The following CXADR variants were observed in gnomAD, a reference collection of about 807,000 sequenced individuals.
CXADR encodes the protein CXADR cell adhesion molecule.
In CXADR, 20 loss-of-function variants were observed where a neutral mutation model predicts 40.3. The ratio of observed to expected loss-of-function variants is 0.50; its 90% CI spans 0.35 to 0.72. The LOEUF is 0.72. CXADR is among the 30% of genes least tolerant of loss of function. The pLI is 0.01. For missense variants in CXADR, 332 were observed against 449.1 expected, an observed-to-expected ratio of 0.74 and a Z score of 2.36; for synonymous variants, 150 against 161.3, an observed-to-expected ratio of 0.93 and a Z score of 0.53.
chr21:17,558,592 G>A (rs2061066729), intron 3 of CXADR, among the ~76,000 whole-genome samples: 1 of 152,130 alleles, frequency 6.6e-6, no homozygotes, highest in East Asian at 1.9e-4. Context: ...CTGCCAGAGG[G>A]TTACATGTCA....
At chr21:17,553,938 C>G (rs2061002409) in intron 3 of CXADR, among the ~76,000 whole-genome samples, 1 of 152,190 alleles carries the variant, frequency 6.6e-6, no homozygotes, top group Non-Finnish European at 1.5e-5. Context: ...ATTCTTATCA[C>G]AGACCCAGGA....
intron 1 of CXADR, among the ~76,000 whole-genome samples, chr21:17,520,894 A>G (rs987288580): frequency 6.6e-6 from 1 of 152,198 alleles, no homozygotes; most frequent in African/African-American, 2.4e-5. Context: ...GGAGATGACA[A>G]TGAGCTTAAG....
the CXADR span, among the ~76,000 whole-genome samples, chr21:17,615,396 TC>T: frequency 1.3e-5 from 2 of 152,122 alleles, no homozygotes; most frequent in Admixed American, 1.3e-4. Context: ...TTACAGTAGT[TC>T]CCCCTTATCC....
intron 2 of CXADR, among the ~76,000 whole-genome samples, chr21:17,547,741 A>C (rs1018846576): frequency 6.8e-6 from 1 of 148,078 alleles, no homozygotes; most frequent in African/African-American, 2.4e-5. Flanking sequence ...ATTTTTTAAA[A>C]GACAAAATCT....
At chr21:17,558,028 G>A (rs1056925481) in intron 3 of CXADR, among the ~76,000 whole-genome samples, 2 of 152,038 alleles carry the variant, frequency 1.3e-5, no homozygotes, top group Non-Finnish European at 2.9e-5. Flanking sequence ...AATGGAGTTA[G>A]TAGTTGTTCT....
At chr21:17,580,600 G>C (rs987313025) in intron 7 of CXADR, among the ~76,000 whole-genome samples, 8 of 152,016 alleles carry the variant, frequency 5.3e-5, no homozygotes, top group Non-Finnish European at 1.0e-4. Context: ...ACAGAGTGAG[G>C]CCTTGTCTCA....
chr21:17,608,675 T>A, the CXADR span: 1 of 296,708 alleles, frequency 3.4e-6, no homozygotes, highest in African/African-American at 2.1e-5. Context: ...ATTGTGAAAA[T>A]CCCTAAGTAT....
intron 1 of CXADR, among the ~76,000 whole-genome samples, chr21:17,524,827 T>G (rs1174355732): frequency 2.0e-5 from 3 of 149,902 alleles, no homozygotes; most frequent in Non-Finnish European, 4.4e-5. Flanking sequence ...GAGAATCACT[T>G]GAGCCCAGGA....
chr21:17,531,069 G>C (rs1286923451), intron 1 of CXADR, among the ~76,000 whole-genome samples: 1 of 152,130 alleles, frequency 6.6e-6, no homozygotes, highest in Non-Finnish European at 1.5e-5. Context: ...GGAGGTCGAG[G>C]TGGGTGGATC....
At chr21:17,591,351 T>C (rs1192838188) in intron 7 of CXADR, among the ~76,000 whole-genome samples, 1 of 152,050 alleles carries the variant, frequency 6.6e-6, no homozygotes, top group African/African-American at 2.4e-5. Flanking sequence ...TATTTACTAT[T>C]ATCTGTAAAA....
At chr21:17,519,607 T>C (rs2060503713) in intron 1 of CXADR, among the ~76,000 whole-genome samples, 2 of 152,220 alleles carry the variant, frequency 1.3e-5, no homozygotes, top group South Asian at 2.1e-4. Context: ...CCTGTTGACC[T>C]GCGCTTTACT....
chr21:17,513,435 G>C (rs1322898213), intron 1 of CXADR, among the ~76,000 whole-genome samples: 2 of 152,098 alleles, frequency 1.3e-5, no homozygotes, highest in Admixed American at 6.5e-5. Context: ...GGAGGGGCTC[G>C]GGCGCGGCGT....
chr21:17,533,860 A>G (rs1187288858), intron 1 of CXADR, among the ~76,000 whole-genome samples: 1 of 151,628 alleles, frequency 6.6e-6, no homozygotes, highest in African/African-American at 2.4e-5. Context: ...CATTGTTACT[A>G]ATTTATCTTG....
At chr21:17,605,013 G>C in the CXADR span, 1 of 1,611,244 alleles carries the variant, frequency 6.2e-7, no homozygotes, top group Non-Finnish European at 8.5e-7. Context: ...ACAAAGTGGA[G>C]TTACGTTAAT....
intron 7 of CXADR, among the ~76,000 whole-genome samples, chr21:17,591,866 C>CT (rs530598712): frequency 5.0e-4 from 76 of 152,044 alleles, no homozygotes; most frequent in South Asian, 3.3e-3. Context: ...GTTTGGCAAA[C>CT]TTTTGTACCC....
intron 4 of CXADR, among the ~76,000 whole-genome samples, chr21:17,560,094 T>G (rs188000234): frequency 4.5e-4 from 68 of 152,170 alleles, no homozygotes; most frequent in Admixed American, 4.1e-3. Context: ...ACCCATGGTG[T>G]GTCTGTAAAT....
At chr21:17,516,510 G>A (rs190455193) in intron 1 of CXADR, among the ~76,000 whole-genome samples, 4 of 152,306 alleles carry the variant, frequency 2.6e-5, no homozygotes, top group South Asian at 2.1e-4. Flanking sequence ...GACCTGCAGC[G>A]TCAGCATTAC....
chr21:17,536,492 A>T (rs1383221268), intron 1 of CXADR, among the ~76,000 whole-genome samples: 4 of 152,098 alleles, frequency 2.6e-5, no homozygotes, highest in African/African-American at 9.7e-5. Flanking sequence ...CTGCCTTCAG[A>T]TAGCTCCTTC....
chr21:17,538,148 T>C (rs1006015076), intron 1 of CXADR, among the ~76,000 whole-genome samples: 4 of 152,252 alleles, frequency 2.6e-5, no homozygotes, highest in African/African-American at 9.6e-5. Context: ...ACCGTAGGCA[T>C]GTGCCACCAC....
Sources: allele counts gnomAD v4.1 joint callset (sites outside exome capture counted in the v4.1 genomes callset), GRCh38; gene constraint gnomAD v4.1.1; transcripts MANE v1.5; gene names NCBI Gene and HGNC (gene_info 2026-07-23, HGNC 2026-07-21).